ARB2A: variants seen among roughly 807,000 people sequenced by gnomAD.
ARB2A encodes the protein ARB2 cotranscriptional regulator A, also known as cotranscriptional regulator ARB2A.
At chr5:93,809,629 A>G in the ARB2A span, among the ~76,000 whole-genome samples, 1 of 152,058 alleles carries the variant, frequency 6.6e-6, no homozygotes, top group East Asian at 1.9e-4. Context: ...TCAAAGTAAT[A>G]TAATACTCTT....
the ARB2A span, among the ~76,000 whole-genome samples, chr5:93,670,021 A>G: frequency 6.6e-6 from 1 of 151,990 alleles, no homozygotes; most frequent in East Asian, 1.9e-4. Flanking sequence ...AGACTTCCTT[A>G]TCTTAGTAAA....
chr5:93,631,992 A>G, the ARB2A span, among the ~76,000 whole-genome samples: 1 of 152,196 alleles, frequency 6.6e-6, no homozygotes, highest in African/African-American at 2.4e-5. Context: ...TTGTGTGGAG[A>G]GAGAGTTTTC....
the ARB2A span, among the ~76,000 whole-genome samples, chr5:93,779,032 T>C: frequency 6.6e-6 from 1 of 151,896 alleles, no homozygotes; most frequent in Non-Finnish European, 1.5e-5. Flanking sequence ...GTCCAAAAGT[T>C]CTCTGCAATG....
the ARB2A span, among the ~76,000 whole-genome samples, chr5:93,751,844 G>T: frequency 2.0e-5 from 3 of 152,162 alleles, no homozygotes; most frequent in Non-Finnish European, 2.9e-5. Flanking sequence ...GGCTGAGAGG[G>T]TTTACATGGG....
the ARB2A span, among the ~76,000 whole-genome samples, chr5:94,023,603 T>G: frequency 1.1e-4 from 17 of 152,218 alleles, no homozygotes; most frequent in Non-Finnish European, 2.9e-5. Context: ...TTGGAGACAT[T>G]TTGTTCATTC....
the ARB2A span, among the ~76,000 whole-genome samples, chr5:93,834,331 C>T: frequency 6.6e-6 from 1 of 152,112 alleles, no homozygotes; most frequent in African/African-American, 2.4e-5. Context: ...CTGACAAGCA[C>T]GACAGTGACA....
the ARB2A span, among the ~76,000 whole-genome samples, chr5:93,888,180 T>C: frequency 3.9e-5 from 6 of 152,004 alleles, no homozygotes; most frequent in South Asian, 2.1e-4. Flanking sequence ...AATTTACTTA[T>C]GGAAAGATTC....
the ARB2A span, among the ~76,000 whole-genome samples, chr5:93,781,657 T>C: frequency 1.3e-5 from 2 of 151,878 alleles, no homozygotes; most frequent in East Asian, 1.9e-4. Context: ...CCACCAACAG[T>C]GTATATGAAT....
chr5:93,910,390 T>A, the ARB2A span, among the ~76,000 whole-genome samples: 1 of 151,158 alleles, frequency 6.6e-6, no homozygotes, highest in East Asian at 1.9e-4. Context: ...CAGTAACATA[T>A]GTCCTTTTAC....
chr5:94,091,342 T>C, the ARB2A span, among the ~76,000 whole-genome samples: 5 of 152,314 alleles, frequency 3.3e-5, no homozygotes, highest in East Asian at 9.6e-4. Flanking sequence ...TTCAAAATAA[T>C]GAGTTATTAC....
chr5:93,851,607 C>T, the ARB2A span, among the ~76,000 whole-genome samples: 300 of 152,268 alleles, frequency 2.0e-3, 2 homozygotes, highest in African/African-American at 6.9e-3. Context: ...TCCCCGCTTC[C>T]GCCACCCCAC....
chr5:93,883,123 A>AT, the ARB2A span, among the ~76,000 whole-genome samples: 3 of 151,484 alleles, frequency 2.0e-5, no homozygotes, highest in South Asian at 6.2e-4. Flanking sequence ...ATTGTTTTCT[A>AT]TTTTTTCCTC....
At chr5:94,045,704 G>A in the ARB2A span, among the ~76,000 whole-genome samples, 1 of 151,932 alleles carries the variant, frequency 6.6e-6, no homozygotes, top group African/African-American at 2.4e-5. Flanking sequence ...AATATTGTCA[G>A]GACACAGAAA....
the ARB2A span, among the ~76,000 whole-genome samples, chr5:93,695,319 T>C: frequency 6.6e-6 from 1 of 151,928 alleles, no homozygotes; most frequent in African/African-American, 2.4e-5. Flanking sequence ...CCAGAATCTA[T>C]AAAAACTTAA....
At chr5:94,101,480 A>G in the ARB2A span, among the ~76,000 whole-genome samples, 2 of 152,224 alleles carry the variant, frequency 1.3e-5, no homozygotes, top group Non-Finnish European at 2.9e-5. Context: ...CCATAATGAC[A>G]CAAGCACGTG....
chr5:94,052,747 C>T, the ARB2A span, among the ~76,000 whole-genome samples: 1 of 152,168 alleles, frequency 6.6e-6, no homozygotes, highest in African/African-American at 2.4e-5. Flanking sequence ...TATTGCCAGA[C>T]ACTTTATTCT....
At chr5:93,890,248 G>A in the ARB2A span, among the ~76,000 whole-genome samples, 1 of 151,612 alleles carries the variant, frequency 6.6e-6, no homozygotes, top group African/African-American at 2.4e-5. Context: ...TATTAAATCT[G>A]TGCTATTTAG....
At chr5:93,876,580 C>G in the ARB2A span, among the ~76,000 whole-genome samples, 1 of 151,756 alleles carries the variant, frequency 6.6e-6, no homozygotes, top group East Asian at 1.9e-4. Flanking sequence ...AAGTTTTAGG[C>G]CCAAATTTAC....
At chr5:93,694,963 T>A in the ARB2A span, among the ~76,000 whole-genome samples, 1 of 151,958 alleles carries the variant, frequency 6.6e-6, no homozygotes, top group African/African-American at 2.4e-5. Context: ...TAATAAATGG[T>A]ATTGGGAAAA....
Sources: gnomAD v4.1 joint callset for allele counts (sites outside exome capture counted in the v4.1 genomes callset) on GRCh38, gnomAD v4.1.1 for gene constraint, MANE v1.5 for transcripts, NCBI Gene and HGNC (gene_info 2026-07-23, HGNC 2026-07-21) for gene names.